Variants in MEIS2 observed in about 807,000 individuals in gnomAD.
The protein encoded by MEIS2 is Meis homeobox 2.
In MEIS2, 9 loss-of-function variants were observed where a neutral mutation model predicts 58.6. The observed-to-expected ratio is 0.15, with a 90% CI of 0.09 to 0.27. The LOEUF is 0.27. MEIS2 is among the 10% of genes least tolerant of loss of function. MEIS2 has a pLI of 1.00. For missense variants in MEIS2, 427 were observed against 635.0 expected, an observed-to-expected ratio of 0.67 and a Z score of 3.52; for synonymous variants, 221 against 228.4, an observed-to-expected ratio of 0.97 and a Z score of 0.29.
Position 36,890,263 on chromosome 15 carries a change from C to A in MEIS2, c.*1910G>T, listed in dbSNP as rs563900516. 2.0e-5 allele frequency: 3 copies of A among 152,094 alleles called. No homozygotes were observed. The highest frequency in any genetic ancestry group is 7.2e-5 in the African/African-American group (3 of 41,402). The allele number at this position is 152,094 out of a possible 1,614,324, so 9.4% of individuals were successfully genotyped here. On this transcript the variant is annotated 3_prime_UTR_variant, in exon 12 of 12. Transcript: ENST00000561208. ...TTTATTTGAAAATTGAGGGGACATG[C>A]CTCACCCTTTTTGCACACTTTAGCA...
At chr15:37,038,111 G>T (rs1202334181) in intron 7 of MEIS2, among the ~76,000 whole-genome samples, 1 of 152,174 alleles carries the variant, frequency 6.6e-6, no homozygotes, top group African/African-American at 2.4e-5. Flanking sequence ...TGAGATGGGG[G>T]TTTTTGTAAT....
chr15:36,938,594 T>C (rs1200709342), intron 9 of MEIS2, among the ~76,000 whole-genome samples: 1 of 152,222 alleles, frequency 6.6e-6, no homozygotes, highest in East Asian at 1.9e-4. Flanking sequence ...TCTGTGTAAG[T>C]CACCTATCAT....
chr15:36,944,630 C>A (rs763953307), intron 9 of MEIS2, among the ~76,000 whole-genome samples: 1 of 152,048 alleles, frequency 6.6e-6, no homozygotes, highest in African/African-American at 2.4e-5. Context: ...TCATCAGCAT[C>A]GGCAGTTTCA....
chr15:37,046,922 ATC>A (rs2062700101), intron 7 of MEIS2, among the ~76,000 whole-genome samples: 1 of 151,984 alleles, frequency 6.6e-6, no homozygotes, highest in Non-Finnish European at 1.5e-5. Flanking sequence ...TTAAGAAAGG[ATC>A]TCTGTTCTCC....
chr15:37,076,925 C>T (rs553940875), intron 7 of MEIS2, among the ~76,000 whole-genome samples: 1 of 152,154 alleles, frequency 6.6e-6, no homozygotes, highest in South Asian at 2.1e-4. Flanking sequence ...TCAATCACTT[C>T]CTCACAATGT....
intron 9 of MEIS2, among the ~76,000 whole-genome samples, chr15:36,947,533 T>C (rs142094053): frequency 2.0e-5 from 3 of 152,104 alleles, no homozygotes; most frequent in African/African-American, 7.2e-5. Flanking sequence ...TGACCTTGTG[T>C]GGCCTTTCTA....
chr15:36,960,910 T>C (rs954752420), intron 8 of MEIS2, among the ~76,000 whole-genome samples: 8 of 152,158 alleles, frequency 5.3e-5, no homozygotes, highest in African/African-American at 1.7e-4. Flanking sequence ...AGCAATCAAC[T>C]ATAATAACCA....
intron 8 of MEIS2, among the ~76,000 whole-genome samples, chr15:37,003,340 AAACAAC>A (rs35132063): frequency 6.6e-6 from 1 of 151,262 alleles, no homozygotes; most frequent in Non-Finnish European, 1.5e-5. Context: ...CTTCCAGGGT[AAACAAC>A]AACAACAACA....
At position 37,095,514 on chromosome 15, in the gene MEIS2, G is replaced by A. The variant is rs200763506; in HGVS notation, c.438+50C>T. ...TCCAGCAGAAAGTGGGTGCTTCTGG[G>A]CATGGGAGAGGGCAAAGGCTGGGGA... On this transcript the variant is annotated intron_variant, in intron 4 of 11. Coordinates refer to ENST00000561208, the MANE Select transcript of MEIS2 (RefSeq NM_170675.5). 7 of 1,613,420 alleles carry A rather than the reference G, an allele frequency of 4.3e-6. No individual in the cohort carries two copies. In the African/African-American group the frequency reaches 5.3e-5, roughly 12 times the overall value.
At chr15:36,974,172 C>T (rs1266254400) in intron 8 of MEIS2, among the ~76,000 whole-genome samples, 3 of 152,168 alleles carry the variant, frequency 2.0e-5, no homozygotes, top group African/African-American at 7.2e-5. Flanking sequence ...TATTTCAGAA[C>T]ATTCTATATC....
At chr15:37,094,155 A>G in intron 5 of MEIS2, 1 of 281,904 alleles carries the variant, frequency 3.5e-6, no homozygotes. Flanking sequence ...AGAGCAATGT[A>G]AAGACACCCA....
intron 6 of MEIS2, among the ~76,000 whole-genome samples, chr15:37,092,333 G>A (rs1275102671): frequency 1.3e-5 from 2 of 152,124 alleles, no homozygotes; most frequent in Admixed American, 6.5e-5. Flanking sequence ...TGGAGCAGGG[G>A]AGAGAAGAAC....
intron 9 of MEIS2, among the ~76,000 whole-genome samples, chr15:36,942,374 AT>A (rs1216482570): frequency 6.6e-6 from 1 of 152,158 alleles, no homozygotes; most frequent in African/African-American, 2.4e-5. Context: ...TTAGAAAATG[AT>A]TTTCCTTATT....
At chr15:36,943,182 T>G (rs1453811310) in intron 9 of MEIS2, among the ~76,000 whole-genome samples, 1 of 152,178 alleles carries the variant, frequency 6.6e-6, no homozygotes, top group Non-Finnish European at 1.5e-5. Context: ...AGTAAATCGC[T>G]AAGTCAATAT....
chr15:37,100,644 C>T (rs1339178403), upstream of MEIS2: 1 of 150,078 alleles, frequency 6.7e-6, no homozygotes, highest in African/African-American at 2.5e-5. Flanking sequence ...ATCAGCAAGC[C>T]TGCTCCTCCA....
At chr15:36,914,840 TA>T (rs1273776141) in intron 9 of MEIS2, among the ~76,000 whole-genome samples, 1 of 151,796 alleles carries the variant, frequency 6.6e-6, no homozygotes, top group Non-Finnish European at 1.5e-5. Context: ...AACCAAGCAT[TA>T]AAAAACCCCA....
rs2055815740 is a variant in MEIS2 at position 36,890,844 on chromosome 15, T to C, written c.*1329A>G. On this transcript the variant is annotated 3_prime_UTR_variant, in exon 12 of 12. Coordinates refer to ENST00000561208, the MANE Select transcript of MEIS2 (RefSeq NM_170675.5). ...CACATAGTTTCGTACCTTTAGAAGT[T>C]TTCTGCTGGTGGAACTTATAGGTCA... The C allele has an allele frequency of 6.6e-6, 1 of 152,164 alleles. No homozygotes were observed. The highest frequency in any genetic ancestry group is 2.1e-4 in the South Asian group (1 of 4,828). The allele number at this position is 152,164 out of a possible 1,614,324, so 9.4% of individuals were successfully genotyped here.
chr15:36,945,433 C>A (rs778618830), intron 9 of MEIS2, among the ~76,000 whole-genome samples: 3 of 152,010 alleles, frequency 2.0e-5, no homozygotes, highest in Admixed American at 6.6e-5. Context: ...CACACAAATT[C>A]TCCTTTTGTG....
chr15:37,030,560 C>A (rs1189548598), intron 8 of MEIS2, among the ~76,000 whole-genome samples: 3 of 152,030 alleles, frequency 2.0e-5, no homozygotes, highest in East Asian at 1.9e-4. Context: ...TGGTCTTGAA[C>A]TCCTGGCCTC....
Sources: gnomAD v4.1 joint callset for allele counts (sites outside exome capture counted in the v4.1 genomes callset) on GRCh38, gnomAD v4.1.1 for gene constraint, MANE v1.5 for transcripts, NCBI Gene and HGNC (gene_info 2026-07-23, HGNC 2026-07-21) for gene names.